MAX: variants seen among roughly 807,000 people sequenced by gnomAD.
MAX encodes the protein MYC associated transcriptional regulator X.
A neutral mutation model predicts 22.3 loss-of-function variants in MAX; 3 were observed. The ratio of observed to expected loss-of-function variants is 0.13; its 90% CI spans 0.06 to 0.35. The LOEUF is 0.35. MAX is among the 10% of genes least tolerant of loss of function. MAX has a pLI of 1.00. For synonymous variants in MAX, 72 were observed against 77.7 expected, an observed-to-expected ratio of 0.93 and a Z score of 0.39; for missense variants, 119 against 209.4, an observed-to-expected ratio of 0.57 and a Z score of 2.66.
At chr14:65,006,727 A>C (rs1351148389) in intron 3 of MAX, among the ~76,000 whole-genome samples, 1 of 152,110 alleles carries the variant, frequency 6.6e-6, no homozygotes, top group Non-Finnish European at 1.5e-5. Context: ...CTTTTCACTT[A>C]CCATCAGGAT....
rs73270838 is a variant in MAX, at chr14:65,048,663, G to A, written c.172-42379C>T. ...AGCTCAGGAGTTCAAGACCAGCCTG[G>A]GCAATATAGTGAGAGCTTGTCTCTA... On this transcript the variant is annotated intron_variant, in intron 3 of 3. Transcript: ENST00000341653. Among the ~76,000 whole-genome samples the A allele has an allele frequency of 0.011, 1,611 of 152,260 alleles. 39 individuals are homozygous for A. In the East Asian group the frequency reaches 0.11, roughly 10 times the overall value.
intron 3 of MAX, chr14:65,061,124 G>A (rs2062857265): frequency 1.2e-6 from 2 of 1,600,954 alleles, no homozygotes; most frequent in Non-Finnish European, 1.7e-6. Context: ...CAAAGGATGT[G>A]TTATGTTTTC....
Position 65,054,150 on chromosome 14 carries a change from T to TC in MAX, c.171+39557dup, listed in dbSNP as rs2062676050. 6.6e-6 allele frequency among the ~76,000 whole-genome samples: 1 copy of TC among 152,104 alleles called. No homozygotes were observed. The highest frequency in any genetic ancestry group is 1.5e-5 in the Non-Finnish European group (1 of 68,026). On this transcript the variant is annotated intron_variant, in intron 3 of 3. Transcript: ENST00000341653. The surrounding 1 kb of genome is among the most constrained non-coding windows in gnomAD (Gnocchi z 4.4). ...TTTTTTGAGACAGGGTCTCACTCTGTCACCCAGGCTGGAGTGCAGTGTCAC... is the reference window on the plus strand; with the variant it reads ...TTTTTTGAGACAGGGTCTCACTCTGTCCACCCAGGCTGGAGTGCAGTGTCAC...
chr14:65,072,269 C>G (rs1480055053), downstream of MAX, among the ~76,000 whole-genome samples: 5 of 152,130 alleles, frequency 3.3e-5, no homozygotes, highest in Non-Finnish European at 7.3e-5. Flanking sequence ...TGTCATTACC[C>G]CTGCTTGGGG....
At chr14:65,083,716 A>C in intron 3 of MAX, 1 of 1,049,870 alleles carries the variant, frequency 9.5e-7, no homozygotes, top group Non-Finnish European at 1.2e-6. Context: ...CCATATCTGG[A>C]GGGATGAAAA....
intron 2 of MAX, among the ~76,000 whole-genome samples, chr14:65,095,759 G>T (rs1446112686): frequency 1.3e-5 from 2 of 152,062 alleles, no homozygotes; most frequent in African/African-American, 2.4e-5. Flanking sequence ...CTGATTCTTG[G>T]CCCTCCTCCC....
chr14:65,087,740 C>T (rs1425294564), intron 3 of MAX, among the ~76,000 whole-genome samples: 1 of 152,166 alleles, frequency 6.6e-6, no homozygotes, highest in Non-Finnish European at 1.5e-5. Flanking sequence ...CTGTGGACTT[C>T]TGAGTTAATG....
At position 65,078,447 on chromosome 14, in the gene MAX, G is replaced by A. The variant is rs1244706144; in HGVS notation, c.172-411C>T. ...TCAAACTCCTGGCCTCAGGTGATCT[G>A]CCCACCTTGGCCTCCCAAAATGCTG... is the stretch of plus-strand genomic sequence containing the variant. On this transcript the variant is annotated intron_variant, in intron 3 of 4. Coordinates refer to ENST00000358664, the MANE Select transcript of MAX (RefSeq NM_002382.5). This position sits in a 1 kb window ranked among gnomAD's most constrained non-coding sequence, Gnocchi z 6.4. Among the ~76,000 whole-genome samples, 9 of 151,848 alleles carry A rather than the reference G, an allele frequency of 5.9e-5. No homozygotes were observed.
At chr14:65,024,573 C>T (rs538179167) in intron 3 of MAX, among the ~76,000 whole-genome samples, 2 of 152,208 alleles carry the variant, frequency 1.3e-5, no homozygotes, top group South Asian at 2.1e-4. Flanking sequence ...GTAATTGGCA[C>T]GTAAGCTAGA....
At chr14:65,053,190 A>T (rs776966445) in intron 3 of MAX, 9 of 1,304,056 alleles carry the variant, frequency 6.9e-6, no homozygotes, top group Non-Finnish European at 8.9e-6. Flanking sequence ...GGTCATTGAT[A>T]CTTGGCTGGA....
rs1048808825 is a variant in MAX, at chr14:65,031,837, C to G, written c.172-25553G>C. Among the ~76,000 whole-genome samples, 6 of 152,108 alleles carry G rather than the reference C, an allele frequency of 3.9e-5. No homozygotes were observed. The highest frequency in any genetic ancestry group is 1.2e-4 in the African/African-American group (5 of 41,442). On this transcript the variant is annotated intron_variant, in intron 3 of 3. Coordinates refer to the MAX transcript ENST00000341653. This position sits in a 1 kb window ranked among gnomAD's most constrained non-coding sequence, Gnocchi z 4.6. ...TTGGGAGGCTGATACAGGAGAATTGCTTGAACCCAGGAGGCGGAGGTTGCA... is the reference window on the plus strand; with the variant it reads ...TTGGGAGGCTGATACAGGAGAATTGGTTGAACCCAGGAGGCGGAGGTTGCA...
intron 3 of MAX, among the ~76,000 whole-genome samples, chr14:65,040,015 C>T (rs1566565028): frequency 2.0e-5 from 3 of 152,030 alleles, no homozygotes; most frequent in Admixed American, 1.3e-4. Context: ...ATGGCAATGC[C>T]CCATCTCTAC....
chr14:65,050,140 CAGA>C (rs992885775), intron 3 of MAX, among the ~76,000 whole-genome samples: 77 of 152,216 alleles, frequency 5.1e-4, no homozygotes, highest in African/African-American at 1.8e-3. Context: ...TATTGGATCT[CAGA>C]AGATTAGGCC....
intron 3 of MAX, among the ~76,000 whole-genome samples, chr14:65,038,468 C>T (rs899008933): frequency 2.0e-5 from 3 of 151,674 alleles, no homozygotes; most frequent in African/African-American, 7.3e-5. Flanking sequence ...ACCTGTAATC[C>T]CAGCACTTTG....
intron 3 of MAX, among the ~76,000 whole-genome samples, chr14:65,087,144 G>A (rs1595149629): frequency 6.6e-6 from 1 of 152,222 alleles, no homozygotes; most frequent in Non-Finnish European, 1.5e-5. Flanking sequence ...GATTTCAGAG[G>A]ATGGAGTATG....
chr14:65,091,772 T>TC (rs2139862798), intron 3 of MAX: 1 of 152,376 alleles, frequency 6.6e-6, no homozygotes, highest in South Asian at 2.1e-4. Flanking sequence ...TCTCTGTTTT[T>TC]CTCCATGGTA....
intron 3 of MAX, among the ~76,000 whole-genome samples, chr14:65,035,827 C>G (rs906554631): frequency 6.6e-6 from 1 of 151,734 alleles, no homozygotes; most frequent in Non-Finnish European, 1.5e-5. Flanking sequence ...AGCCACTGCG[C>G]CCAGCTTTTT....
chr14:65,041,028 G>A, intron 3 of MAX: 1 of 1,496,386 alleles, frequency 6.7e-7, no homozygotes, highest in Non-Finnish European at 9.0e-7. Context: ...GGCTAAGAGA[G>A]TTAGCTCTGT....
chr14:65,084,165 C>A lies in MAX; in HGVS notation c.172-6129G>T. 1.9e-6 allele frequency: 3 copies of A among 1,613,288 alleles called. No individual in the cohort carries two copies. The South Asian group carries it at 3.3e-5, about 18-fold the overall frequency. On this transcript the variant is annotated intron_variant, in intron 3 of 4. Coordinates refer to ENST00000358664, the MANE Select transcript of MAX (RefSeq NM_002382.5). This position sits in a 1 kb window ranked among gnomAD's most constrained non-coding sequence, Gnocchi z 4.3. ...GGAGTAAGACATTTGTGTAAGGGGT[C>A]AAAACAATCATTTTTTAAATCTTGC...
Sources: allele counts gnomAD v4.1 joint callset (sites outside exome capture counted in the v4.1 genomes callset), GRCh38; gene constraint gnomAD v4.1.1; non-coding constraint Gnocchi (gnomAD v3.1); transcripts MANE v1.5; gene names NCBI Gene and HGNC (gene_info 2026-07-23, HGNC 2026-07-21).